FRRS1L: variants seen among roughly 807,000 people sequenced by gnomAD.
FRRS1L encodes ferric chelate reductase 1 like.
A neutral mutation model predicts 28.6 loss-of-function variants in FRRS1L; 22 were observed. The observed-to-expected ratio is 0.77, with a 90% CI of 0.55 to 1.10. The LOEUF (loss-of-function observed/expected upper bound fraction) is 1.10. FRRS1L is among the 50% of genes least tolerant of loss of function. FRRS1L has a pLI of 0.00. For missense variants in FRRS1L, 380 were observed against 386.9 expected (o/e 0.98, Z 0.15); for synonymous variants, 158 against 151.4 (o/e 1.04, Z -0.32).
intron 1 of FRRS1L, among the ~76,000 whole-genome samples, chr9:109,163,667 C>T (rs1831506715): frequency 6.6e-6 from 1 of 152,112 alleles, no homozygotes; most frequent in Admixed American, 6.5e-5. Context: ...TCCATTCCCA[C>T]CTCCACTATT....
chr9:109,136,345 A>C lies in FRRS1L; in HGVS notation c.*1110T>G, dbSNP rs1420001078. On this transcript the variant is annotated 3_prime_UTR_variant, in exon 5 of 5. Transcript: ENST00000561981. The stretch of plus-strand genomic sequence containing the variant: ...TAGTTTTATAAAATTCAGTGGTAGA[A>C]AAGTTCAAATTCTAACTGCTAAGAA... The C allele has an allele frequency of 6.6e-6, 1 of 151,988 alleles. No individual in the cohort carries two copies. Among genetic ancestry groups the C allele is most frequent in the Non-Finnish European group, 1.5e-5 (1 of 68,004 alleles). 9.4% of individuals were successfully genotyped at this position (151,988 alleles called of 1,614,324 possible).
In FRRS1L at chr9:109,135,637, G is replaced by C. The variant is rs1831102620; in HGVS notation, c.*1818C>G. The C allele has an allele frequency of 1.3e-5, 2 of 152,072 alleles. No homozygotes were observed. The highest frequency in any genetic ancestry group is 2.9e-5 in the Non-Finnish European group (2 of 68,098). The allele number at this position is 152,072 out of a possible 1,614,324, so 9.4% of individuals were successfully genotyped here. On this transcript the variant is annotated 3_prime_UTR_variant, in exon 5 of 5. Coordinates refer to ENST00000561981, the MANE Select transcript of FRRS1L (RefSeq NM_014334.4). The stretch of plus-strand genomic sequence containing the variant: ...GGCTAATTTTTGTATTTTTAGTGGA[G>C]ACAAGGTTTTGCCATGTTGGCCAGA...
chr9:109,157,702 A>C (rs1319726085), intron 1 of FRRS1L, among the ~76,000 whole-genome samples: 2 of 152,184 alleles, frequency 1.3e-5, no homozygotes, highest in Non-Finnish European at 2.9e-5. Context: ...TCCAATTACA[A>C]ATGTTGGTTT....
intron 1 of FRRS1L, among the ~76,000 whole-genome samples, chr9:109,165,766 TC>T (rs1202783014): frequency 6.6e-6 from 1 of 152,172 alleles, no homozygotes; most frequent in Non-Finnish European, 1.5e-5. Context: ...TTCCGAGTAA[TC>T]CCTTTATAAA....
chr9:109,151,944 C>G (rs1831334941), intron 1 of FRRS1L: 1 of 152,204 alleles, frequency 6.6e-6, no homozygotes, highest in Admixed American at 6.5e-5. Flanking sequence ...TCCAGGAATT[C>G]AATGATTGTT....
At chr9:109,161,411 T>G (rs1831479078) in intron 1 of FRRS1L, among the ~76,000 whole-genome samples, 3 of 152,232 alleles carry the variant, frequency 2.0e-5, no homozygotes. Context: ...TTTTCTTTCC[T>G]TCTGCTGACA....
At position 109,130,969 on chromosome 9, in the gene FRRS1L, T is replaced by G. The variant is rs1831050776; in HGVS notation, c.*6486A>C. On this transcript the variant is annotated 3_prime_UTR_variant, in exon 5 of 5. Coordinates refer to ENST00000561981, the MANE Select transcript of FRRS1L (RefSeq NM_014334.4). ...TGAACACATTAATCAAGCAGCAGTGTGTTTTATGTTAAAAATCCCAAATAG... is the reference window on the plus strand; with the variant it reads ...TGAACACATTAATCAAGCAGCAGTGGGTTTTATGTTAAAAATCCCAAATAG... 1 of 152,252 alleles carries G rather than the reference T, an allele frequency of 6.6e-6. No individual in the cohort carries two copies. The highest frequency in any genetic ancestry group is 1.5e-5 in the Non-Finnish European group (1 of 68,040). The allele number at this position is 152,252 out of a possible 1,614,324, so 9.4% of individuals were successfully genotyped here.
At chr9:109,153,110 C>T (rs2118495395) in intron 1 of FRRS1L, among the ~76,000 whole-genome samples, 1 of 152,260 alleles carries the variant, frequency 6.6e-6, no homozygotes, top group South Asian at 2.1e-4. Context: ...TTCTGGGAGA[C>T]AAACTCTAAA....
intron 3 of FRRS1L, among the ~76,000 whole-genome samples, chr9:109,146,685 C>T (rs1351508987): frequency 6.6e-6 from 1 of 152,198 alleles, no homozygotes; most frequent in Non-Finnish European, 1.5e-5. Context: ...CTGAATCCAA[C>T]TCATGGACAG....
intron 1 of FRRS1L, among the ~76,000 whole-genome samples, chr9:109,159,386 G>A (rs1479077492): frequency 6.6e-6 from 1 of 152,160 alleles, no homozygotes; most frequent in African/African-American, 2.4e-5. Flanking sequence ...ATTTAAGTGG[G>A]TGGGCCGGGC....
chr9:109,141,135 G>A (rs1268598896), intron 4 of FRRS1L: 3 of 602,134 alleles, frequency 5.0e-6, no homozygotes, highest in Non-Finnish European at 8.8e-6. Context: ...CTTTGCATGT[G>A]TGTAACTGTT....
At chr9:109,142,885 T>A (rs895991430) in intron 3 of FRRS1L, among the ~76,000 whole-genome samples, 1 of 152,060 alleles carries the variant, frequency 6.6e-6, no homozygotes, top group African/African-American at 2.4e-5. Flanking sequence ...TTTACCACAA[T>A]AAAAAAGTTA....
In FRRS1L at chr9:109,166,951, T is replaced by G; in HGVS notation, c.188A>C (p.Tyr63Ser). Reference sequence around the variant, plus strand: ...GTAGAACTCCCCCGCGAAGGTGCCGTAGGAGGAGTCGTGGCGCGGCACCGC... The same window carrying G: ...GTAGAACTCCCCCGCGAAGGTGCCGGAGGAGGAGTCGTGGCGCGGCACCGC... Reference protein sequence around the residue: ...DEAVPRHDSSYGTFAGEFYDL... With the variant: ...DEAVPRHDSSSGTFAGEFYDL... Residue 63 changes from tyrosine to serine, a missense_variant, in exon 1 of 5, where the codon TAC becomes TCC. Tyr to Ser is a moderately radical substitution (Grantham distance 144, BLOSUM62 -2). Transcript: ENST00000561981. 1.5e-6 allele frequency: 2 copies of G among 1,311,544 alleles called. No homozygotes were observed. The highest frequency in any genetic ancestry group is 9.8e-7 in the Non-Finnish European group (1 of 1,017,700). The allele number at this position is 1,311,544 out of a possible 1,614,324, so 81.2% of individuals were successfully genotyped here.
chr9:109,154,415 G>A (rs776266946), intron 1 of FRRS1L, among the ~76,000 whole-genome samples: 1 of 152,148 alleles, frequency 6.6e-6, no homozygotes, highest in Non-Finnish European at 1.5e-5. Context: ...GATTGATGCA[G>A]ACTAAATGGA....
chr9:109,148,776 C>T (rs937863678), intron 2 of FRRS1L, among the ~76,000 whole-genome samples: 1 of 152,146 alleles, frequency 6.6e-6, no homozygotes, highest in Non-Finnish European at 1.5e-5. Flanking sequence ...CAGTAGAGTA[C>T]TAAAATTCCC....
chr9:109,164,054 C>G (rs117596930), intron 1 of FRRS1L, among the ~76,000 whole-genome samples: 1 of 152,180 alleles, frequency 6.6e-6, no homozygotes, highest in Non-Finnish European at 1.5e-5. Flanking sequence ...CTGGCAACCC[C>G]TCCTCAGCCC....
Position 109,137,641 on chromosome 9 carries a change from AGAGAAGAGCAGGGGCAATTG to A in FRRS1L, c.710-34_710-15del. The stretch of plus-strand genomic sequence containing the variant: ...GAGTGATAGAGCCTTTAAGAAAAAA[AGAGAAGAGCAGGGGCAATTG>A]AAAAAAGAACAGATTTATAATGGTA... On this transcript the variant is annotated splice_polypyrimidine_tract_variant and intron_variant, in intron 4 of 4. Transcript: ENST00000561981. The A allele has an allele frequency of 6.6e-7, 1 of 1,520,098 alleles. No homozygotes were observed. The allele number at this position is 1,520,098 out of a possible 1,614,324, so 94.2% of individuals were successfully genotyped here. A position where few individuals can be genotyped will look rare whatever the true frequency, so the allele number is the denominator to read the frequency against.
intron 1 of FRRS1L, chr9:109,150,467 CAGCCTCCCAA>C (rs759044832): frequency 1.3e-5 from 2 of 152,230 alleles, no homozygotes; most frequent in Admixed American, 6.5e-5. Flanking sequence ...CCACAGTCCT[CAGCCTCCCAA>C]AGTGCTAGGG....
chr9:109,135,757 C>G lies in FRRS1L; in HGVS notation c.*1698G>C, dbSNP rs1210421849. 1 of 151,940 alleles carries G rather than the reference C, an allele frequency of 6.6e-6. No homozygotes were observed. The highest frequency in any genetic ancestry group is 1.5e-5 in the Non-Finnish European group (1 of 68,020). The allele number at this position is 151,940 out of a possible 1,614,324, so 9.4% of individuals were successfully genotyped here. On this transcript the variant is annotated 3_prime_UTR_variant, in exon 5 of 5. Coordinates refer to ENST00000561981, the MANE Select transcript of FRRS1L (RefSeq NM_014334.4). ...TGAGCCACCGCGCTCAGCCACAAGT[C>G]TGAACATTTAAATGGATATTCTAGG...
Sources: allele counts gnomAD v4.1 joint callset (sites outside exome capture counted in the v4.1 genomes callset), GRCh38; gene constraint gnomAD v4.1.1; transcripts MANE v1.5; gene names NCBI Gene and HGNC (gene_info 2026-07-23, HGNC 2026-07-21).